MFAP3L: variants seen among roughly 807,000 people sequenced by gnomAD.
The protein encoded by MFAP3L is microfibrillar-associated protein 3-like.
Under a neutral mutation model 20.0 loss-of-function variants are expected in MFAP3L, and 5 were observed. The ratio of observed to expected loss-of-function variants is 0.25; its 90% CI spans 0.13 to 0.53. The LOEUF is 0.53. Among genes scored for constraint, MFAP3L ranks in the 20% least tolerant of loss-of-function variants. The pLI, the probability that MFAP3L is intolerant of heterozygous loss-of-function variation, is 0.96. For missense variants in MFAP3L, 409 were observed against 527.5 expected (o/e 0.78, Z 2.20); for synonymous variants, 219 against 213.0 (o/e 1.03, Z -0.25).
Position 170,002,070 on chromosome 4 carries a change from T to C in MFAP3L, c.298+3510A>G, listed in dbSNP as rs1738666049. The C allele has an allele frequency of 7.1e-6, 7 of 985,268 alleles. No individual in the cohort carries two copies. The South Asian group carries it at 3.3e-4, about 46-fold the overall frequency. The allele number at this position is 985,268 out of a possible 1,614,324, so 61.0% of individuals were successfully genotyped here. A position where few individuals can be genotyped will look rare whatever the true frequency, so the allele number is the denominator to read the frequency against. ...TCACCGATGATTTTTGAACGCCTTT[T>C]TGTGCATGTGCATGCCATGTACACA... is the stretch of plus-strand genomic sequence containing the variant. On this transcript the variant is annotated intron_variant, in intron 2 of 2. Coordinates refer to ENST00000361618, the MANE Select transcript of MFAP3L (RefSeq NM_021647.8).
chr4:170,003,659 C>T (rs1738839512), intron 2 of MFAP3L: 1 of 985,050 alleles, frequency 1.0e-6, no homozygotes, highest in Admixed American at 6.1e-5. Flanking sequence ...CTTTTTAATA[C>T]CCAGGGATAA....
intron 1 of MFAP3L, among the ~76,000 whole-genome samples, chr4:170,019,693 G>T (rs1469800535): frequency 6.6e-6 from 1 of 152,192 alleles, no homozygotes; most frequent in African/African-American, 2.4e-5. Context: ...CAATTCTGGA[G>T]CACTTTATTC....
intron 1 of MFAP3L, among the ~76,000 whole-genome samples, chr4:170,007,886 C>A (rs1739146291): frequency 6.6e-6 from 1 of 152,054 alleles, no homozygotes; most frequent in Admixed American, 6.6e-5. Context: ...GAGATGGGTT[C>A]TAATAAATAT....
rs147996695 is a variant in MFAP3L, at chr4:170,007,413, G to A, written c.-133-1403C>T. ...ATACAGAATAGCTGTGAAGAGCATG[G>A]CCTCAGGTTTGAGAGAGACCAGGCC... On this transcript the variant is annotated intron_variant, in intron 1 of 2. Coordinates refer to ENST00000361618, the MANE Select transcript of MFAP3L (RefSeq NM_021647.8). Among the ~76,000 whole-genome samples the A allele has an allele frequency of 3.2e-3, 480 of 152,304 alleles. 2 individuals are homozygous for A. Among genetic ancestry groups the A allele is most frequent in the African/African-American group, 0.011 (464 of 41,566 alleles).
chr4:170,014,647 T>A (rs1323199694), intron 1 of MFAP3L, among the ~76,000 whole-genome samples: 1 of 152,224 alleles, frequency 6.6e-6, no homozygotes. Flanking sequence ...GCTTTCCTAA[T>A]ATGACTCAGG....
At chr4:170,018,258 T>C (rs887658839) in intron 1 of MFAP3L, among the ~76,000 whole-genome samples, 2 of 151,992 alleles carry the variant, frequency 1.3e-5, no homozygotes, top group African/African-American at 4.8e-5. Context: ...TCTAGACAAA[T>C]AAGGGTAGAA....
In MFAP3L at chr4:170,026,281, G is replaced by A; in HGVS notation, c.-181C>T. The A allele has an allele frequency of 2.0e-6, 2 of 984,250 alleles. No homozygotes were observed. Among genetic ancestry groups the A allele is most frequent in the Non-Finnish European group, 2.4e-6 (2 of 829,552 alleles). 61.0% of individuals were successfully genotyped at this position (984,250 alleles called of 1,614,324 possible). On this transcript the variant is annotated 5_prime_UTR_variant, in exon 1 of 3. Transcript: ENST00000361618. ...GTGGCCGCCGTGCACCCCTCGCCAT[G>A]GCCAGCCCGACAGCGGCCGCTGCGC... is the stretch of plus-strand genomic sequence containing the variant.
At chr4:170,022,855 C>T (rs1041262550) in intron 1 of MFAP3L, among the ~76,000 whole-genome samples, 1 of 152,116 alleles carries the variant, frequency 6.6e-6, no homozygotes, top group Non-Finnish European at 1.5e-5. Context: ...GGAACAAGGC[C>T]CTGCAGAGTC....
At chr4:170,007,739 T>A (rs1739136129) in intron 1 of MFAP3L, among the ~76,000 whole-genome samples, 1 of 152,164 alleles carries the variant, frequency 6.6e-6, no homozygotes, top group Non-Finnish European at 1.5e-5. Flanking sequence ...ATGCATGAGC[T>A]GCCCCCTTAG....
chr4:169,993,073 T>C (rs1420195776), intron 2 of MFAP3L, among the ~76,000 whole-genome samples: 1 of 152,162 alleles, frequency 6.6e-6, no homozygotes, highest in Non-Finnish European at 1.5e-5. Flanking sequence ...TGATAATAAA[T>C]GCGAGTTTTC....
At chr4:170,001,292 A>G (rs1463754256) in intron 2 of MFAP3L, among the ~76,000 whole-genome samples, 1 of 152,222 alleles carries the variant, frequency 6.6e-6, no homozygotes, top group Non-Finnish European at 1.5e-5. Flanking sequence ...TAGAGGGATA[A>G]AAACAATAAA....
rs143636400 is a variant in MFAP3L at position 170,003,739 on chromosome 4, C to T, written c.298+1841G>A. The T allele has an allele frequency of 2.3e-4, 225 of 985,380 alleles. 1 individual carries two copies. In the African/African-American group the frequency reaches 2.7e-3, roughly 12 times the overall value. 61.0% of individuals were successfully genotyped at this position (985,380 alleles called of 1,614,324 possible). A position where few individuals can be genotyped will look rare whatever the true frequency, so the allele number is the denominator to read the frequency against. On this transcript the variant is annotated intron_variant, in intron 2 of 2. Coordinates refer to ENST00000361618, the MANE Select transcript of MFAP3L (RefSeq NM_021647.8). The stretch of plus-strand genomic sequence containing the variant: ...TCTTTCTTCCCTTTGATTCAGTCAC[C>T]GTGGGTTCCCTAGCGATAGCTCAGC...
At chr4:170,001,983 A>ATTGCTCCTTTC in intron 2 of MFAP3L, 2 of 985,448 alleles carry the variant, frequency 2.0e-6, no homozygotes, top group Non-Finnish European at 2.4e-6. Flanking sequence ...CAGAAACGAG[A>ATTGCTCCTTTC]CATGAAATTG....
rs756673486 is a variant in MFAP3L at position 169,994,157 on chromosome 4, T to C, written c.299-1848A>G. 1.6e-5 allele frequency: 16 copies of C among 984,392 alleles called. 1 individual carries two copies. In the Admixed American group the frequency reaches 3.1e-4, roughly 19 times the overall value. 61.0% of individuals were successfully genotyped at this position (984,392 alleles called of 1,614,324 possible). ...ATTCCATAGAGAAGACATTGGGTTC[T>C]AGAGACTTACAGGCTATGCTTGTAG... On this transcript the variant is annotated intron_variant, in intron 2 of 2. Transcript: ENST00000361618.
chr4:170,021,080 G>T (rs552343076), intron 1 of MFAP3L, among the ~76,000 whole-genome samples: 4 of 151,946 alleles, frequency 2.6e-5, no homozygotes, highest in Non-Finnish European at 2.9e-5. Flanking sequence ...CAAGAGACCC[G>T]GGTTAGAACC....
rs771804830 is a variant in MFAP3L, at chr4:170,003,948, T to C, written c.298+1632A>G. The C allele has an allele frequency of 3.5e-5, 23 of 653,390 alleles. No individual in the cohort carries two copies. In the African/African-American group the frequency reaches 4.1e-4, roughly 12 times the overall value. The allele number at this position is 653,390 out of a possible 1,614,324, so 40.5% of individuals were successfully genotyped here. On this transcript the variant is annotated intron_variant, in intron 2 of 2. Transcript: ENST00000361618. Reference sequence around the variant, plus strand: ...ACCTTTCCACTGTCAGTAGTGAAGGTTCTTGTTATAGCCACTTTTTAAAAT... The same window carrying C: ...ACCTTTCCACTGTCAGTAGTGAAGGCTCTTGTTATAGCCACTTTTTAAAAT...
Position 169,991,286 on chromosome 4 carries a change from C to T in MFAP3L, c.*92G>A. 1 of 1,340,310 alleles carries T rather than the reference C, an allele frequency of 7.5e-7. No individual in the cohort carries two copies. Among genetic ancestry groups the T allele is most frequent in the Non-Finnish European group, 1.0e-6 (1 of 980,270 alleles). The allele number at this position is 1,340,310 out of a possible 1,614,324, so 83.0% of individuals were successfully genotyped here. A position where few individuals can be genotyped will look rare whatever the true frequency, so the allele number is the denominator to read the frequency against. On this transcript the variant is annotated 3_prime_UTR_variant, in exon 3 of 3. Transcript: ENST00000361618. The surrounding 1 kb of genome is among the most constrained non-coding windows in gnomAD (Gnocchi z 4.9). ...CTCCTACCTAAGGGATGAGAGTCTC[C>T]TGGTAAGGCTTAGCGGCAAGTGCGT...
intron 1 of MFAP3L, chr4:170,006,513 T>C (rs1159493707): frequency 6.6e-6 from 1 of 152,270 alleles, no homozygotes; most frequent in Non-Finnish European, 1.5e-5. Flanking sequence ...TATCAAAACA[T>C]ATAGATTTTA....
In MFAP3L at chr4:169,992,597, G is replaced by A. The variant is rs375940233; in HGVS notation, c.299-288C>T. ...TCCCAAGGGCACCGGCTTGGAAGCCGTAGAACTGAAGATGAACTTGAGTTC... is the reference window on the plus strand; with the variant it reads ...TCCCAAGGGCACCGGCTTGGAAGCCATAGAACTGAAGATGAACTTGAGTTC... On this transcript the variant is annotated intron_variant, in intron 2 of 2. Coordinates refer to ENST00000361618, the MANE Select transcript of MFAP3L (RefSeq NM_021647.8). The surrounding 1 kb of genome is among the most constrained non-coding windows in gnomAD (Gnocchi z 4.3). Among the ~76,000 whole-genome samples the A allele has an allele frequency of 1.6e-3, 248 of 152,338 alleles. 1 individual carries two copies. The highest frequency in any genetic ancestry group is 4.6e-3 in the African/African-American group (193 of 41,572).
Sources: allele counts gnomAD v4.1 joint callset (sites outside exome capture counted in the v4.1 genomes callset), GRCh38; gene constraint gnomAD v4.1.1; non-coding constraint Gnocchi (gnomAD v3.1); transcripts MANE v1.5; gene names NCBI Gene and HGNC (gene_info 2026-07-23, HGNC 2026-07-21).